The following ARHGEF4 variants were observed in gnomAD, a reference collection of about 807,000 sequenced individuals.
ARHGEF4 encodes the protein APC-stimulated guanine nucleotide exchange factor 1.
ARHGEF4 carries 119 observed loss-of-function variants against 162.0 expected under a neutral mutation model. The observed-to-expected ratio is 0.73, with a 90% CI of 0.63 to 0.86. ARHGEF4 has a LOEUF of 0.86. Ranked by LOEUF, ARHGEF4 falls within the 40% of genes least tolerant of loss-of-function variation. The pLI is 0.00. For synonymous variants in ARHGEF4, 1,014 were observed against 979.9 expected, an observed-to-expected ratio of 1.03 and a Z score of -0.65; for missense variants, 2,488 against 2,456.0, an observed-to-expected ratio of 1.01 and a Z score of -0.28.
chr2:130,845,247 C>A (rs1457194654), intron 1 of ARHGEF4, among the ~76,000 whole-genome samples: 2 of 150,728 alleles, frequency 1.3e-5, no homozygotes, highest in East Asian at 4.2e-4. Context: ...TGGCCGGGCA[C>A]GGTGGCTCAC....
intron 4 of ARHGEF4, among the ~76,000 whole-genome samples, chr2:130,949,886 T>C (rs963097222): frequency 2.6e-5 from 4 of 152,210 alleles, no homozygotes; most frequent in African/African-American, 9.7e-5. Context: ...TGACCTCAGG[T>C]GATCTGTTTG....
chr2:130,917,823 C>CTTTTTTTTTTTTTT (rs72157600), intron 2 of ARHGEF4, among the ~76,000 whole-genome samples: 2 of 106,950 alleles, frequency 1.9e-5, no homozygotes, highest in African/African-American at 3.5e-5. Context: ...TTCTTTTTTT[C>CTTTTTTTTTTTTTT]TTTTTTTTTT....
intron 3 of ARHGEF4, among the ~76,000 whole-genome samples, chr2:130,940,611 C>T (rs1218503741): frequency 2.7e-5 from 4 of 147,462 alleles, no homozygotes; most frequent in Admixed American, 2.0e-4. Context: ...GAGGCCGAGG[C>T]GGGTGGATCA....
At chr2:130,927,503 G>A (rs1426270213) in intron 2 of ARHGEF4, among the ~76,000 whole-genome samples, 1 of 152,178 alleles carries the variant, frequency 6.6e-6, no homozygotes, top group African/African-American at 2.4e-5. Context: ...GGGGTGTGAG[G>A]GAGACAGGGG....
At position 131,040,257 on chromosome 2, in the gene ARHGEF4, G is replaced by A. The variant is rs752443276; in HGVS notation, c.4483-4G>A. ...GGGGGAGGCCTAACCACGTCCGCCC[G>A]CAGGGCTACGTCCGGCAGTGCCGCA... On this transcript the variant is annotated splice_region_variant and splice_polypyrimidine_tract_variant and intron_variant, in intron 7 of 13. Coordinates refer to ENST00000409359, the MANE Select transcript of ARHGEF4 (RefSeq NM_001367493.1). 4 of 1,612,028 alleles carry A rather than the reference G, an allele frequency of 2.5e-6. No homozygotes were observed. Among genetic ancestry groups the A allele is most frequent in the African/African-American group, 2.7e-5 (2 of 75,028 alleles).
chr2:130,907,372 G>C (rs1223719689), intron 1 of ARHGEF4, among the ~76,000 whole-genome samples: 2 of 151,720 alleles, frequency 1.3e-5, no homozygotes, highest in Admixed American at 6.6e-5. Flanking sequence ...CTGCCACCAT[G>C]CTCAACTAAT....
At chr2:131,042,614 A>G (rs1020403427) in intron 10 of ARHGEF4, among the ~76,000 whole-genome samples, 1 of 152,218 alleles carries the variant, frequency 6.6e-6, no homozygotes, top group Non-Finnish European at 1.5e-5. Flanking sequence ...TACAGATTCC[A>G]GGGCCCCACC....
At chr2:130,999,378 G>C (rs369476877) in intron 4 of ARHGEF4, among the ~76,000 whole-genome samples, 6 of 151,858 alleles carry the variant, frequency 4.0e-5, no homozygotes, top group African/African-American at 7.3e-5. Flanking sequence ...GGATGGTCTC[G>C]ATCTCCTGAC....
At chr2:130,985,199 G>A (rs1686401241) in intron 4 of ARHGEF4, among the ~76,000 whole-genome samples, 1 of 152,140 alleles carries the variant, frequency 6.6e-6, no homozygotes, top group Admixed American at 6.5e-5. Flanking sequence ...GGCCAGCTAA[G>A]GCAAAGCCAA....
chr2:130,890,999 G>A (rs1303211163), intron 1 of ARHGEF4, among the ~76,000 whole-genome samples: 1 of 152,202 alleles, frequency 6.6e-6, no homozygotes, highest in Non-Finnish European at 1.5e-5. Context: ...CTCTGAGGCA[G>A]AGAGAGGCTT....
chr2:130,969,918 C>T (rs1027824426), intron 4 of ARHGEF4, among the ~76,000 whole-genome samples: 5 of 152,096 alleles, frequency 3.3e-5, no homozygotes, highest in African/African-American at 1.2e-4. Context: ...CTTCTTTAAC[C>T]TCATGTGTTG....
Position 131,040,253 on chromosome 2 carries a change from G to A in ARHGEF4, c.4483-8G>A, listed in dbSNP as rs754812631. 1.9e-6 allele frequency: 3 copies of A among 1,611,846 alleles called. No homozygotes were observed. The highest frequency in any genetic ancestry group is 2.2e-5 in the South Asian group (2 of 90,950). Reference sequence around the variant, plus strand: ...GGTCGGGGGAGGCCTAACCACGTCCGCCCGCAGGGCTACGTCCGGCAGTGC... The same window carrying A: ...GGTCGGGGGAGGCCTAACCACGTCCACCCGCAGGGCTACGTCCGGCAGTGC... On this transcript the variant is annotated splice_region_variant and splice_polypyrimidine_tract_variant and intron_variant, in intron 7 of 13. Transcript: ENST00000409359.
chr2:130,876,655 G>A (rs1392821335), intron 1 of ARHGEF4, among the ~76,000 whole-genome samples: 1 of 152,192 alleles, frequency 6.6e-6, no homozygotes, highest in Non-Finnish European at 1.5e-5. Context: ...GCCTCCCAAA[G>A]TGCTGGTATT....
At chr2:131,039,237 C>G in intron 6 of ARHGEF4, 1 of 1,274,086 alleles carries the variant, frequency 7.8e-7, no homozygotes, top group Middle Eastern at 2.8e-4. Flanking sequence ...CCTCGGGGGC[C>G]AGAGAGGAGA....
intron 1 of ARHGEF4, among the ~76,000 whole-genome samples, chr2:130,877,747 A>G (rs1385664321): frequency 6.6e-6 from 1 of 152,010 alleles, no homozygotes. Flanking sequence ...AACCAACCAA[A>G]CCTTGGAACA....
rs143539559 is a variant in ARHGEF4 at position 130,987,332 on chromosome 2, T to C, written c.3986-40613T>C. 6.2e-3 allele frequency among the ~76,000 whole-genome samples: 936 copies of C among 152,122 alleles called. 8 individuals are homozygous for C. The highest frequency in any genetic ancestry group is 7.5e-3 in the Non-Finnish European group (507 of 67,984). ...CTGGAGTTGGTTCCCGCCCGGTGGG[T>C]TTGTGGTCTTGCTGACTTCAAGAAT... On this transcript the variant is annotated intron_variant, in intron 4 of 13. Transcript: ENST00000409359.
In ARHGEF4 at chr2:130,940,420, C is replaced by T. The variant is rs372655902; in HGVS notation, c.3859-6089C>T. 2.3e-3 allele frequency among the ~76,000 whole-genome samples: 347 copies of T among 151,922 alleles called. 2 individuals carry two copies. The highest frequency in any genetic ancestry group is 7.9e-3 in the African/African-American group (328 of 41,480). ...GCGACATTCTCCTGCCTCAGCCTCC[C>T]GAATAGCTGGGACTACAGGTGCCTG... On this transcript the variant is annotated intron_variant, in intron 3 of 13. Transcript: ENST00000409359.
At chr2:130,984,844 C>A (rs144313382) in intron 4 of ARHGEF4, among the ~76,000 whole-genome samples, 1 of 152,076 alleles carries the variant, frequency 6.6e-6, no homozygotes, top group African/African-American at 2.4e-5. Context: ...CTTTCTCCAT[C>A]GGTTAGGCTT....
chr2:130,837,005 G>T lies in ARHGEF4; in HGVS notation c.39+13G>T. On this transcript the variant is annotated intron_variant, in intron 1 of 13. Coordinates refer to ENST00000409359, the MANE Select transcript of ARHGEF4 (RefSeq NM_001367493.1). ...GAGCTTCTTCAAGGTGAGAGCCGGC[G>T]TCCGGGACTTGCGGTCGGGCTCCCG... 1.6e-6 allele frequency: 2 copies of T among 1,227,104 alleles called. No homozygotes were observed. Among genetic ancestry groups the T allele is most frequent in the South Asian group, 8.2e-5 (2 of 24,290 alleles). 76.0% of individuals were successfully genotyped at this position (1,227,104 alleles called of 1,614,324 possible). A position where few individuals can be genotyped will look rare whatever the true frequency, so the allele number is the denominator to read the frequency against.
Sources: allele counts gnomAD v4.1 joint callset (sites outside exome capture counted in the v4.1 genomes callset), GRCh38; gene constraint gnomAD v4.1.1; transcripts MANE v1.5; gene names NCBI Gene and HGNC (gene_info 2026-07-23, HGNC 2026-07-21).